TNIK: variants seen among roughly 807,000 people sequenced by gnomAD.
The protein encoded by TNIK is TRAF2 and NCK-interacting protein kinase.
In TNIK, 49 loss-of-function variants were observed where a neutral mutation model predicts 191.3. That is an observed-to-expected ratio of 0.26 (90% CI 0.20 to 0.32). The LOEUF (loss-of-function observed/expected upper bound fraction) is 0.32, where lower values mean the gene tolerates loss of function less well. TNIK is among the 10% of genes least tolerant of loss of function. The probability of loss-of-function intolerance (pLI) is 1.00; values close to 1 mark genes in which losing one functional copy is unlikely to be tolerated. For missense variants in TNIK, 1,155 were observed against 1,702.3 expected, an observed-to-expected ratio of 0.68 and a Z score of 5.66; for synonymous variants, 594 against 600.9, an observed-to-expected ratio of 0.99 and a Z score of 0.17.
intron 29 of TNIK, among the ~76,000 whole-genome samples, chr3:171,069,823 C>T (rs1344611076): frequency 1.3e-5 from 2 of 152,198 alleles, no homozygotes; most frequent in African/African-American, 4.8e-5. Context: ...CCACTGCTAC[C>T]TCTCAGACCC....
intron 19 of TNIK, 58 bp downstream of exon 19, chr3:171,110,656 C>T (rs1725704550): frequency 4.0e-6 from 6 of 1,501,386 alleles, no homozygotes; most frequent in Non-Finnish European, 5.4e-6. Context: ...ACCTTTTTCC[C>T]TGTCCACAGC....
At chr3:171,100,982 G>A (rs1474082838) in intron 22 of TNIK, among the ~76,000 whole-genome samples, 2 of 152,106 alleles carry the variant, frequency 1.3e-5, no homozygotes, top group African/African-American at 4.8e-5. Flanking sequence ...TGATTCTTTT[G>A]CTGGGATGGT....
At chr3:171,282,358 T>TTTTTTTTTTTTTGTTTG (rs1750556855) in intron 2 of TNIK, among the ~76,000 whole-genome samples, 1 of 141,008 alleles carries the variant, frequency 7.1e-6, no homozygotes, top group African/African-American at 2.6e-5. Context: ...TTTTTTTTTT[T>TTTTTTTTTTTTTGTTTG]GAGATGGAGT....
intron 22 of TNIK, among the ~76,000 whole-genome samples, chr3:171,095,757 C>T (rs1038364095): frequency 6.6e-6 from 1 of 152,156 alleles, no homozygotes; most frequent in Admixed American, 6.5e-5. Context: ...TAGTAAGAAG[C>T]TTCCATTGCA....
chr3:171,353,062 C>G (rs1292759692), intron 2 of TNIK, among the ~76,000 whole-genome samples: 1 of 152,120 alleles, frequency 6.6e-6, no homozygotes, highest in East Asian at 1.9e-4. Context: ...CAGAATAATT[C>G]TTTTCTACCT....
rs116311884 is a variant in TNIK, at chr3:171,443,044, G to C, written c.57+16963C>G. Among the ~76,000 whole-genome samples the C allele has an allele frequency of 8.5e-3, 1,294 of 152,280 alleles. 23 individuals carry two copies. The highest frequency in any genetic ancestry group is 0.029 in the African/African-American group (1,209 of 41,548). On this transcript the variant is annotated intron_variant, in intron 1 of 32. Coordinates refer to ENST00000436636, the MANE Select transcript of TNIK (RefSeq NM_015028.4). Reference sequence around the variant, plus strand: ...TTTCCCTGAATAGCATCTGGGTATTGGCTCTAGAAAGCACTACAGCGCTTT... The same window carrying C: ...TTTCCCTGAATAGCATCTGGGTATTCGCTCTAGAAAGCACTACAGCGCTTT...
chr3:171,222,557 C>T (rs757663928), intron 3 of TNIK, among the ~76,000 whole-genome samples: 1 of 152,076 alleles, frequency 6.6e-6, no homozygotes, highest in East Asian at 1.9e-4. Context: ...ATGAAAGAAC[C>T]AAATGTACTT....
intron 27 of TNIK, among the ~76,000 whole-genome samples, chr3:171,081,968 G>A (rs370542219): frequency 3.9e-5 from 6 of 152,108 alleles, no homozygotes; most frequent in South Asian, 2.1e-4. Context: ...AAAAACATCC[G>A]AAGATCCTTG....
At chr3:171,113,609 C>CG (rs926594290) in intron 18 of TNIK, among the ~76,000 whole-genome samples, 4 of 136,230 alleles carry the variant, frequency 2.9e-5, no homozygotes, top group South Asian at 2.3e-4. Flanking sequence ...CTGTCTGTCT[C>CG]GAAAAAAAAA....
chr3:171,164,714 G>A (rs989023905), intron 10 of TNIK, among the ~76,000 whole-genome samples: 1 of 152,204 alleles, frequency 6.6e-6, no homozygotes, highest in African/African-American at 2.4e-5. Context: ...CTGACACACT[G>A]CCCTAAAATA....
Position 171,087,475 on chromosome 3 carries a change from C to T in TNIK, c.2753G>A (p.Ser918Asn), listed in dbSNP as rs1721513907. The change falls in exon 24 of 33, where the codon AGT becomes AAT. Residue 918 changes from serine (S) to asparagine (N), a missense_variant. Coordinates refer to ENST00000436636, the MANE Select transcript of TNIK (RefSeq NM_015028.4). ...GTGGCCAGCAAAGCCATTGCTGTCA[C>T]TGTGGCCAGATCGCTTCTTCTCTCC... ...TSGEKKRSGH[S>N]DSNGFAGHIN... The T allele has an allele frequency of 6.2e-7, 1 of 1,613,912 alleles. No homozygotes were observed. Among genetic ancestry groups the T allele is most frequent in the Non-Finnish European group, 8.5e-7 (1 of 1,179,884 alleles).
chr3:171,276,868 C>T (rs764559702), intron 2 of TNIK, among the ~76,000 whole-genome samples: 26 of 152,138 alleles, frequency 1.7e-4, no homozygotes, highest in South Asian at 6.2e-4. Context: ...ATCATGTGTT[C>T]GGAGAAATTG....
intron 17 of TNIK, among the ~76,000 whole-genome samples, chr3:171,125,040 A>C (rs899194376): frequency 1.3e-5 from 2 of 152,134 alleles, no homozygotes; most frequent in Non-Finnish European, 2.9e-5. Context: ...TATCCTTTTA[A>C]GAGGAAGATG....
chr3:171,129,960 T>C (rs1729019405), intron 15 of TNIK, among the ~76,000 whole-genome samples: 1 of 152,238 alleles, frequency 6.6e-6, no homozygotes, highest in African/African-American at 2.4e-5. Context: ...TTGACTGTTG[T>C]GCTTCCCAAA....
intron 2 of TNIK, among the ~76,000 whole-genome samples, chr3:171,289,673 A>G (rs4894767): frequency 0.31 from 47,246 of 152,064 alleles, 7,504 homozygotes; most frequent in Non-Finnish European, 0.33. Context: ...AGGCTGAGGC[A>G]GGCAGATCAC....
chr3:171,140,626 A>C, intron 12 of TNIK, 117 bp from the exon 13 acceptor site: 8 of 866,130 alleles, frequency 9.2e-6, no homozygotes, highest in Non-Finnish European at 1.5e-5. Context: ...ATATGCCTAA[A>C]TGCTCCAAGG....
At chr3:171,142,351 C>A (rs1385787480) in intron 12 of TNIK, among the ~76,000 whole-genome samples, 3 of 152,026 alleles carry the variant, frequency 2.0e-5, no homozygotes, top group Admixed American at 6.6e-5. Context: ...TCAGCAAAGG[C>A]GGGATGAGAG....
At chr3:171,455,888 T>C (rs1338182149) in intron 1 of TNIK, among the ~76,000 whole-genome samples, 1 of 152,132 alleles carries the variant, frequency 6.6e-6, no homozygotes, top group Non-Finnish European at 1.5e-5. Flanking sequence ...ATGAACAAGA[T>C]CTAGCCTCTG....
chr3:171,423,089 T>C (rs149568084), intron 1 of TNIK, among the ~76,000 whole-genome samples: 1 of 152,222 alleles, frequency 6.6e-6, no homozygotes, highest in East Asian at 1.9e-4. Context: ...GCTATATAAA[T>C]CTGGGCACCA....
Sources: gnomAD v4.1 joint callset for allele counts (sites outside exome capture counted in the v4.1 genomes callset) on GRCh38, gnomAD v4.1.1 for gene constraint, MANE v1.5 for transcripts, NCBI Gene and HGNC (gene_info 2026-07-23, HGNC 2026-07-21) for gene names.